LRP5: variants seen among roughly 807,000 people sequenced by gnomAD.
The protein encoded by LRP5 is low-density lipoprotein receptor-related protein 5.
LRP5 carries 62 observed loss-of-function variants against 154.1 expected under a neutral mutation model. The ratio of observed to expected loss-of-function variants is 0.40; its 90% CI spans 0.33 to 0.50. LRP5 has a LOEUF of 0.50. Among genes scored for constraint, LRP5 ranks in the 20% least tolerant of loss-of-function variants. The pLI, the probability that LRP5 is intolerant of heterozygous loss-of-function variation, is 0.55. For missense variants in LRP5, 1,915 were observed against 2,336.7 expected (o/e 0.82, Z 3.72); for synonymous variants, 966 against 1,011.5 (o/e 0.96, Z 0.85).
At chr11:68,351,557 C>T (rs778876873) in intron 2 of LRP5, among the ~76,000 whole-genome samples, 1 of 152,120 alleles carries the variant, frequency 6.6e-6, no homozygotes, top group Admixed American at 6.5e-5. Context: ...CCATGGCCAT[C>T]GTGTCGCCAG....
At chr11:68,335,235 C>A in intron 1 of LRP5, among the ~76,000 whole-genome samples, 1 of 151,954 alleles carries the variant, frequency 6.6e-6, no homozygotes, top group East Asian at 2.0e-4. Flanking sequence ...CACCACCACA[C>A]CTGTCTGATT....
In LRP5 at chr11:68,405,143, C is replaced by T. The variant is rs574277647; in HGVS notation, c.1802-1381C>T. Among the ~76,000 whole-genome samples the T allele has an allele frequency of 7.3e-4, 110 of 150,206 alleles. 2 individuals carry two copies. In the South Asian group the frequency reaches 0.022, roughly 30 times the overall value. The stretch of plus-strand genomic sequence containing the variant: ...ACTGCCCTCCACCTGGGCAATAGAG[C>T]GAGACTCTGTCTCAAAAAGAAAAAA... On this transcript the variant is annotated intron_variant, in intron 8 of 22. Coordinates refer to ENST00000294304, the MANE Select transcript of LRP5 (RefSeq NM_002335.4).
chr11:68,362,732 A>G (rs1273316415), intron 3 of LRP5, among the ~76,000 whole-genome samples: 1 of 151,662 alleles, frequency 6.6e-6, no homozygotes, highest in Non-Finnish European at 1.5e-5. Context: ...TGTGAATTTT[A>G]CTTCAATAAT....
Position 68,436,948 on chromosome 11 carries a change from C to G in LRP5, c.4060C>G (p.Gln1354Glu). Reference protein sequence around the residue: ...ASGQCVLIKQQCDSFPDCIDG... With the variant: ...ASGQCVLIKQECDSFPDCIDG... ...CGGCCAGTGTGTCCTCATCAAACAG[C>G]AGTGCGACTCCTTCCCCGACTGTAT... Residue 1354 changes from glutamine to glutamate, a missense_variant, in exon 19 of 23, where the codon CAG becomes GAG. Gln to Glu is a conservative substitution (Grantham distance 29). Coordinates refer to ENST00000294304, the MANE Select transcript of LRP5 (RefSeq NM_002335.4). The G allele has an allele frequency of 6.2e-7, 1 of 1,613,974 alleles. No homozygotes were observed. Among genetic ancestry groups the G allele is most frequent in the Non-Finnish European group, 8.5e-7 (1 of 1,179,978 alleles).
chr11:68,414,151 G>T (rs1368666663), intron 12 of LRP5, 139 bp downstream of exon 12: 2 of 821,736 alleles, frequency 2.4e-6, no homozygotes, highest in Non-Finnish European at 4.0e-6. Context: ...TGCACAAGCT[G>T]CATGATGCTA....
chr11:68,409,285 AAAT>A (rs1482437411), intron 9 of LRP5, among the ~76,000 whole-genome samples: 65 of 142,330 alleles, frequency 4.6e-4, no homozygotes, highest in African/African-American at 1.6e-3. Context: ...ATATATTTAT[AAAT>A]AATATATAAT....
chr11:68,351,014 CTG>C (rs1022055997), intron 2 of LRP5, among the ~76,000 whole-genome samples: 6 of 152,120 alleles, frequency 3.9e-5, no homozygotes, highest in Non-Finnish European at 5.9e-5. Flanking sequence ...GCGCATGTGA[CTG>C]TGTGTGCACG....
intron 7 of LRP5, among the ~76,000 whole-genome samples, chr11:68,393,711 G>T (rs1278679501): frequency 6.6e-6 from 1 of 152,176 alleles, no homozygotes; most frequent in Non-Finnish European, 1.5e-5. Context: ...AACCCGGGAG[G>T]CAGAGGTTGC....
chr11:68,364,101 G>C (rs1030743731), intron 4 of LRP5, among the ~76,000 whole-genome samples, 158 bp downstream of exon 4: 3 of 151,408 alleles, frequency 2.0e-5, no homozygotes, highest in African/African-American at 7.3e-5. Context: ...ATGCTCTGGG[G>C]GGCCCCCTCT....
intron 1 of LRP5, among the ~76,000 whole-genome samples, chr11:68,327,613 C>T (rs1273366958): frequency 1.3e-5 from 2 of 152,146 alleles, no homozygotes; most frequent in African/African-American, 4.8e-5. Context: ...GCCCAGTCTC[C>T]CCATCTGTAA....
At chr11:68,401,309 C>A (rs2098652512) in intron 7 of LRP5, among the ~76,000 whole-genome samples, 1 of 152,190 alleles carries the variant, frequency 6.6e-6, no homozygotes, top group African/African-American at 2.4e-5. Flanking sequence ...ACCTGCTGTT[C>A]ATTGCACACC....
the LRP5 span, among the ~76,000 whole-genome samples, chr11:68,299,080 C>T: frequency 6.6e-6 from 1 of 152,234 alleles, no homozygotes; most frequent in African/African-American, 2.4e-5. Flanking sequence ...TCCCCCTCCA[C>T]ACTCCACCAA....
intron 12 of LRP5, among the ~76,000 whole-genome samples, chr11:68,414,784 C>T (rs1014607867): frequency 6.6e-6 from 1 of 152,188 alleles, no homozygotes; most frequent in Non-Finnish European, 1.5e-5. Flanking sequence ...CTTGCCTGTC[C>T]CAGCTGCATG....
intron 9 of LRP5, among the ~76,000 whole-genome samples, chr11:68,409,073 A>AATATATATATAT (rs1174773377): frequency 1.6e-4 from 7 of 44,174 alleles, no homozygotes; most frequent in African/African-American, 3.9e-4. Context: ...AAAAAAAAAA[A>AATATATATATAT]ATATATATAT....
chr11:68,353,662 C>A lies in LRP5; in HGVS notation c.489-3988C>A, dbSNP rs2098620611. 6.6e-6 allele frequency among the ~76,000 whole-genome samples: 1 copy of A among 152,182 alleles called. No homozygotes were observed. Among genetic ancestry groups the A allele is most frequent in the Non-Finnish European group, 1.5e-5 (1 of 68,016 alleles). On this transcript the variant is annotated intron_variant, in intron 2 of 22. Transcript: ENST00000294304. This position sits in a 1 kb window ranked among gnomAD's most constrained non-coding sequence, Gnocchi z 4.5. ...GGAGCATCTTGGCCTTCCTCCCGGCCCTGCTAGAGCCCCCGTCATCTCCTG... is the reference window on the plus strand; with the variant it reads ...GGAGCATCTTGGCCTTCCTCCCGGCACTGCTAGAGCCCCCGTCATCTCCTG...
intron 21 of LRP5, among the ~76,000 whole-genome samples, chr11:68,441,158 A>G (rs181763383): frequency 9.1e-4 from 138 of 152,168 alleles, no homozygotes; most frequent in African/African-American, 3.0e-3. Flanking sequence ...GGCTAACTGC[A>G]GCCTCTACCT....
rs151246188 is a variant in LRP5 at position 68,374,918 on chromosome 11, G to A, written c.1015+9216G>A. 5.6e-4 allele frequency among the ~76,000 whole-genome samples: 85 copies of A among 152,320 alleles called. 1 individual carries two copies. Among genetic ancestry groups the A allele is most frequent in the African/African-American group, 1.9e-3 (80 of 41,570 alleles). On this transcript the variant is annotated intron_variant, in intron 5 of 22. Coordinates refer to ENST00000294304, the MANE Select transcript of LRP5 (RefSeq NM_002335.4). The stretch of plus-strand genomic sequence containing the variant: ...TCTGGGATGGGTGAATGCTGTGGGC[G>A]CCTTTCCACAGGCTCAGAGTTAGAC...
At chr11:68,315,474 G>A (rs2098592603) in intron 1 of LRP5, among the ~76,000 whole-genome samples, 1 of 152,226 alleles carries the variant, frequency 6.6e-6, no homozygotes, top group Non-Finnish European at 1.5e-5. Context: ...CAGCCTGGCC[G>A]CTTCCTGTGC....
chr11:68,362,856 G>C (rs978224799), intron 3 of LRP5, among the ~76,000 whole-genome samples: 1 of 152,228 alleles, frequency 6.6e-6, no homozygotes, highest in African/African-American at 2.4e-5. Context: ...CCTGGCAACT[G>C]TGCTGAGGGC....
Sources: allele counts gnomAD v4.1 joint callset (sites outside exome capture counted in the v4.1 genomes callset), GRCh38; gene constraint gnomAD v4.1.1; non-coding constraint Gnocchi (gnomAD v3.1); transcripts MANE v1.5; gene names NCBI Gene and HGNC (gene_info 2026-07-23, HGNC 2026-07-21).